The following ASPH variants were observed in gnomAD, a reference collection of about 807,000 sequenced individuals.
ASPH encodes aspartate beta-hydroxylase.
Under a neutral mutation model 118.4 loss-of-function variants are expected in ASPH, and 100 were observed. The observed-to-expected ratio is 0.84, with a 90% CI of 0.72 to 1.00. ASPH has a LOEUF of 1.00. Ranked by LOEUF, ASPH falls within the 50% of genes least tolerant of loss-of-function variation. The pLI, the probability that ASPH is intolerant of heterozygous loss-of-function variation, is 0.00. For missense variants in ASPH, 920 were observed against 919.5 expected, an observed-to-expected ratio of 1.00 and a Z score of -0.01; for synonymous variants, 315 against 325.6, an observed-to-expected ratio of 0.97 and a Z score of 0.35.
chr8:61,641,996 T>C (rs907293251), intron 10 of ASPH, among the ~76,000 whole-genome samples: 1 of 152,240 alleles, frequency 6.6e-6, no homozygotes, highest in Non-Finnish European at 1.5e-5. Context: ...ATTTATAATG[T>C]CAGAACCTTA....
chr8:61,608,954 T>C (rs1246150070), intron 14 of ASPH, among the ~76,000 whole-genome samples: 1 of 152,196 alleles, frequency 6.6e-6, no homozygotes, highest in Non-Finnish European at 1.5e-5. Context: ...TGCTACAGTA[T>C]ACAGTGGTGC....
At chr8:61,548,456 T>C (rs1405552358) in intron 20 of ASPH, among the ~76,000 whole-genome samples, 1 of 152,174 alleles carries the variant, frequency 6.6e-6, no homozygotes, top group Non-Finnish European at 1.5e-5. Flanking sequence ...TCTCTCTGGA[T>C]AGTGGATTCA....
At chr8:61,624,452 T>C (rs966690568) in intron 13 of ASPH, 1 of 980,036 alleles carries the variant, frequency 1.0e-6, no homozygotes, top group Non-Finnish European at 1.2e-6. Context: ...TATAATCTTC[T>C]AAAATACTAG....
At chr8:61,644,766 A>T in intron 6 of ASPH, 134 bp from the exon 7 acceptor site, 3 of 566,202 alleles carry the variant, frequency 5.3e-6, no homozygotes, top group Non-Finnish European at 8.3e-6. Flanking sequence ...ATCAATTAAA[A>T]GTCTGCTTAA....
chr8:61,649,177 A>G (rs1809623609), intron 5 of ASPH, among the ~76,000 whole-genome samples: 1 of 152,336 alleles, frequency 6.6e-6, no homozygotes, highest in African/African-American at 2.4e-5. Context: ...GGTCACACCG[A>G]GGCCCTAGAG....
Position 61,500,622 on chromosome 8 carries a change from A to G in ASPH, c.*2737T>C, listed in dbSNP as rs1055559787. ...AATGGAGTCCCCAACTACTCATTCA[A>G]AAGAAATCAGACATAAAATAAACAG... On this transcript the variant is annotated 3_prime_UTR_variant, in exon 25 of 25. Transcript: ENST00000379454. 1.4e-5 allele frequency: 2 copies of G among 143,386 alleles called. No individual in the cohort carries two copies. The highest frequency in any genetic ancestry group is 5.6e-5 in the African/African-American group (2 of 35,540). The allele number at this position is 143,386 out of a possible 1,614,324, so 8.9% of individuals were successfully genotyped here.
At chr8:61,520,640 G>C (rs1812612242) in intron 22 of ASPH, among the ~76,000 whole-genome samples, 1 of 152,174 alleles carries the variant, frequency 6.6e-6, no homozygotes, top group African/African-American at 2.4e-5. Flanking sequence ...ATAAACCTAC[G>C]AGTCACCGTA....
At chr8:61,602,431 A>G (rs112545215) in intron 14 of ASPH, among the ~76,000 whole-genome samples, 2,958 of 151,586 alleles carry the variant, frequency 0.02, 116 homozygotes, top group Admixed American at 0.089. Context: ...TAAGCAGTGT[A>G]GACATAGGAA....
intron 3 of ASPH, among the ~76,000 whole-genome samples, chr8:61,677,401 T>C (rs182376237): frequency 6.6e-5 from 10 of 152,272 alleles, no homozygotes; most frequent in African/African-American, 1.7e-4. Flanking sequence ...TGAACATCCA[T>C]GACCACTGAG....
chr8:61,680,190 T>G (rs934269717), intron 3 of ASPH, among the ~76,000 whole-genome samples: 19 of 151,822 alleles, frequency 1.3e-4, no homozygotes, highest in African/African-American at 4.3e-4. Context: ...ATAAGCTTAG[T>G]GTATAATATC....
At chr8:61,595,995 T>G (rs1158539102) in intron 14 of ASPH, among the ~76,000 whole-genome samples, 1 of 150,418 alleles carries the variant, frequency 6.6e-6, no homozygotes, top group African/African-American at 2.5e-5. Flanking sequence ...CATCTGGATG[T>G]GTAAGGATTG....
At chr8:61,625,775 T>C (rs1852531454) in intron 13 of ASPH, 1 of 985,786 alleles carries the variant, frequency 1.0e-6, no homozygotes, top group South Asian at 4.7e-5. Flanking sequence ...TCACAGCTAA[T>C]GATGATCTCT....
intron 1 of ASPH, 40 bp downstream of exon 1, chr8:61,714,229 G>T (rs1838819082): frequency 3.5e-6 from 5 of 1,419,170 alleles, no homozygotes; most frequent in South Asian, 2.8e-5. Context: ...TCCCTACCCC[G>T]AGGCGAGGCC....
rs562561512 is a variant in ASPH, at chr8:61,579,973, G to C, written c.1063-3115C>G. Among the ~76,000 whole-genome samples, 3 of 149,484 alleles carry C rather than the reference G, an allele frequency of 2.0e-5. No individual in the cohort carries two copies. In the East Asian group the frequency reaches 5.9e-4, roughly 29 times the overall value. ...AAAACAAAGGGGCTTCAAGTTCCAT[G>C]CAAGTCTAAAATCCAGTGTGGCAGT... On this transcript the variant is annotated intron_variant, in intron 15 of 24. Transcript: ENST00000379454.
intron 1 of ASPH, among the ~76,000 whole-genome samples, chr8:61,695,895 G>A (rs1170659041): frequency 6.6e-6 from 1 of 152,068 alleles, no homozygotes; most frequent in Non-Finnish European, 1.5e-5. Flanking sequence ...TAGTTGTTTG[G>A]GCTGTCAAGT....
intron 18 of ASPH, among the ~76,000 whole-genome samples, chr8:61,559,838 G>A (rs902120421): frequency 5.3e-5 from 8 of 152,012 alleles, no homozygotes; most frequent in African/African-American, 1.9e-4. Flanking sequence ...TGGAAGGGCC[G>A]CCATCAAGCA....
Position 61,502,404 on chromosome 8 carries a change from T to TGAATG in ASPH, c.*954_*955insCATTC, listed in dbSNP as rs1208974887. On this transcript the variant is annotated 3_prime_UTR_variant, in exon 25 of 25. Coordinates refer to ENST00000379454, the MANE Select transcript of ASPH (RefSeq NM_004318.4). ...TGGCTTCCTGACATTCACATGGATC[T>TGAATG]ACCATAGGCAAAGACACTGTGTTCC... is the stretch of plus-strand genomic sequence containing the variant. 6.6e-6 allele frequency: 1 copy of TGAATG among 152,192 alleles called. No individual in the cohort carries two copies. Among genetic ancestry groups the TGAATG allele is most frequent in the Non-Finnish European group, 1.5e-5 (1 of 68,026 alleles). The allele number at this position is 152,192 out of a possible 1,614,324, so 9.4% of individuals were successfully genotyped here.
At chr8:61,622,022 G>C (rs980460265) in intron 13 of ASPH, among the ~76,000 whole-genome samples, 2 of 152,278 alleles carry the variant, frequency 1.3e-5, no homozygotes, top group East Asian at 3.9e-4. Flanking sequence ...AACCACTAAA[G>C]CAAATCGCTT....
chr8:61,660,134 A>G (rs1816051709), intron 3 of ASPH: 1 of 151,786 alleles, frequency 6.6e-6, no homozygotes, highest in Non-Finnish European at 1.5e-5. Context: ...TAGTTTTTCA[A>G]CCCTTGTCTC....
Sources: allele counts gnomAD v4.1 joint callset (sites outside exome capture counted in the v4.1 genomes callset), GRCh38; gene constraint gnomAD v4.1.1; transcripts MANE v1.5; gene names NCBI Gene and HGNC (gene_info 2026-07-23, HGNC 2026-07-21).